Variants in SYT10 observed in about 807,000 individuals in gnomAD.
SYT10 encodes synaptotagmin 10.
Under a neutral mutation model 51.1 loss-of-function variants are expected in SYT10, and 31 were observed. The ratio of observed to expected loss-of-function variants is 0.61; its 90% confidence interval spans 0.46 to 0.82. The LOEUF (loss-of-function observed/expected upper bound fraction) is 0.82, where lower values mean the gene tolerates loss of function less well. Ranked by LOEUF, SYT10 falls within the 40% of genes least tolerant of loss-of-function variation. The pLI is 0.00. For missense variants in SYT10, 603 were observed against 634.0 expected, an observed-to-expected ratio of 0.95 and a Z score of 0.53; for synonymous variants, 233 against 225.9, an observed-to-expected ratio of 1.03 and a Z score of -0.28.
At chr12:33,432,630 A>G (rs985660542) in intron 1 of SYT10, 5 of 152,104 alleles carry the variant, frequency 3.3e-5, no homozygotes, top group Non-Finnish European at 7.4e-5. Context: ...CTATAAATCC[A>G]TGACTACTAA....
At chr12:33,403,230 A>AGTC in intron 3 of SYT10, among the ~76,000 whole-genome samples, 1 of 131,000 alleles carries the variant, frequency 7.6e-6, no homozygotes, top group Admixed American at 8.2e-5. Flanking sequence ...TTAATCTGAT[A>AGTC]GTCTTTTTTT....
intron 3 of SYT10, among the ~76,000 whole-genome samples, chr12:33,394,702 T>C (rs1866238667): frequency 6.6e-6 from 1 of 152,254 alleles, no homozygotes; most frequent in Admixed American, 6.5e-5. Flanking sequence ...GCGATACAGC[T>C]AAAGGTAACC....
At chr12:33,401,635 A>G (rs991431082) in intron 3 of SYT10, among the ~76,000 whole-genome samples, 1 of 152,190 alleles carries the variant, frequency 6.6e-6, no homozygotes, top group African/African-American at 2.4e-5. Context: ...TCATGTATAT[A>G]TGGCTGCCAT....
intron 1 of SYT10, among the ~76,000 whole-genome samples, chr12:33,430,186 A>C (rs537437604): frequency 4.6e-4 from 70 of 152,336 alleles, no homozygotes; most frequent in African/African-American, 1.6e-3. Context: ...GCCACTGTCT[A>C]TATGTCTGTC....
chr12:33,418,091 T>C lies in SYT10; in HGVS notation c.509+8047A>G, dbSNP rs77273305. Among the ~76,000 whole-genome samples the C allele has an allele frequency of 3.4e-3, 525 of 152,320 alleles. 2 individuals carry two copies. Among genetic ancestry groups the C allele is most frequent in the African/African-American group, 0.012 (500 of 41,560 alleles). ...TCTATTTAAACTTACTCTAATCAGC[T>C]TTTCATATACTGTACCACAATCGCT... On this transcript the variant is annotated intron_variant, in intron 2 of 6. Coordinates refer to ENST00000228567, the MANE Select transcript of SYT10 (RefSeq NM_198992.4).
At chr12:33,395,151 A>G (rs1866244643) in intron 3 of SYT10, among the ~76,000 whole-genome samples, 1 of 152,190 alleles carries the variant, frequency 6.6e-6, no homozygotes, top group Non-Finnish European at 1.5e-5. Context: ...TAGTGGCCAG[A>G]AAAACAAAAT....
intron 5 of SYT10, among the ~76,000 whole-genome samples, chr12:33,380,186 C>T (rs1866101983): frequency 6.6e-6 from 1 of 152,106 alleles, no homozygotes; most frequent in South Asian, 2.1e-4. Context: ...CAAACCATTT[C>T]AGTGCTTTGT....
At chr12:33,438,415 C>T (rs1160445025) in intron 1 of SYT10, among the ~76,000 whole-genome samples, 4 of 152,198 alleles carry the variant, frequency 2.6e-5, no homozygotes, top group African/African-American at 9.6e-5. Context: ...GCCCGCAACT[C>T]GGGGATCCAC....
chr12:33,403,379 T>A (rs1413287393), intron 3 of SYT10, among the ~76,000 whole-genome samples: 1 of 151,754 alleles, frequency 6.6e-6, no homozygotes, highest in African/African-American at 2.4e-5. Context: ...CTACAGCTGC[T>A]TGCCACCATG....
intron 1 of SYT10, among the ~76,000 whole-genome samples, chr12:33,429,285 T>G (rs1157701057): frequency 6.6e-6 from 1 of 152,198 alleles, no homozygotes; most frequent in Non-Finnish European, 1.5e-5. Flanking sequence ...GAATTCTTGT[T>G]TATAACTATA....
At chr12:33,383,438 C>T (rs966804036) in intron 4 of SYT10, among the ~76,000 whole-genome samples, 4 of 152,158 alleles carry the variant, frequency 2.6e-5, no homozygotes, top group South Asian at 2.1e-4. Flanking sequence ...TTCTTAGACT[C>T]TTGAAATATG....
chr12:33,435,277 TAAAGC>T (rs1313924696), intron 1 of SYT10, among the ~76,000 whole-genome samples: 1 of 152,200 alleles, frequency 6.6e-6, no homozygotes, highest in Non-Finnish European at 1.5e-5. Context: ...AAGAAAAGGT[TAAAGC>T]AAAAAGAAAT....
At chr12:33,430,125 A>T (rs1934758859) in intron 1 of SYT10, among the ~76,000 whole-genome samples, 1 of 152,222 alleles carries the variant, frequency 6.6e-6, no homozygotes, top group South Asian at 2.1e-4. Context: ...ATTAGGTTTA[A>T]AATTGCTCGA....
At chr12:33,383,171 A>G (rs966521692) in intron 4 of SYT10, among the ~76,000 whole-genome samples, 1 of 152,176 alleles carries the variant, frequency 6.6e-6, no homozygotes, top group Non-Finnish European at 1.5e-5. Context: ...TATGATGGTT[A>G]TACAAAATTT....
Position 33,376,649 on chromosome 12 carries a change from TA to T in SYT10, c.*180del. 1 of 655,034 alleles carries T rather than the reference TA, an allele frequency of 1.5e-6. No homozygotes were observed. The highest frequency in any genetic ancestry group is 2.6e-6 in the Non-Finnish European group (1 of 388,576). 40.6% of individuals were successfully genotyped at this position (655,034 alleles called of 1,614,324 possible). On this transcript the variant is annotated 3_prime_UTR_variant, in exon 7 of 7. Coordinates refer to ENST00000228567, the MANE Select transcript of SYT10 (RefSeq NM_198992.4). The stretch of plus-strand genomic sequence containing the variant: ...CAACTAAGGACTATATGTATTCAAG[TA>T]AAATGTATTGATGTTCAAAGTTAAA...
chr12:33,437,437 A>G (rs1211206141), intron 1 of SYT10, among the ~76,000 whole-genome samples: 2 of 152,260 alleles, frequency 1.3e-5, no homozygotes, highest in Admixed American at 1.3e-4. Context: ...AACTATTTCT[A>G]TAATTCATAT....
At chr12:33,381,291 T>TC (rs565028983) in intron 5 of SYT10, among the ~76,000 whole-genome samples, 4 of 151,942 alleles carry the variant, frequency 2.6e-5, no homozygotes, top group East Asian at 1.9e-4. Context: ...TTTCAGTGTT[T>TC]CCCCCCCTAG....
intron 1 of SYT10, among the ~76,000 whole-genome samples, chr12:33,436,726 A>T (rs560507294): frequency 6.6e-6 from 1 of 152,214 alleles, no homozygotes; most frequent in Non-Finnish European, 1.5e-5. Flanking sequence ...TTTAACTGGA[A>T]TTACCTGAAT....
At chr12:33,416,655 C>T (rs1866456516) in intron 2 of SYT10, among the ~76,000 whole-genome samples, 1 of 152,162 alleles carries the variant, frequency 6.6e-6, no homozygotes, top group African/African-American at 2.4e-5. Flanking sequence ...CAGTCACTAT[C>T]ATGTAAATAG....
Sources: gnomAD v4.1 joint callset for allele counts (sites outside exome capture counted in the v4.1 genomes callset) on GRCh38, gnomAD v4.1.1 for gene constraint, MANE v1.5 for transcripts, NCBI Gene and HGNC (gene_info 2026-07-23, HGNC 2026-07-21) for gene names.